The following RFC3 variants were observed in gnomAD, a reference collection of about 807,000 sequenced individuals.
RFC3 encodes replication factor C subunit 3, also known as A1 38 kDa subunit.
RFC3 carries 41 observed loss-of-function variants against 45.1 expected under a neutral mutation model. That is an observed-to-expected ratio of 0.91 (90% CI 0.71 to 1.18). The LOEUF is 1.18. Ranked by LOEUF, RFC3 falls within the 50% of genes most tolerant of loss-of-function variation. RFC3 has a pLI of 0.00. For synonymous variants in RFC3, 149 were observed against 144.0 expected, an observed-to-expected ratio of 1.03 and a Z score of -0.25; for missense variants, 423 against 428.1, an observed-to-expected ratio of 0.99 and a Z score of 0.10.
intron 8 of RFC3, among the ~76,000 whole-genome samples, chr13:33,926,802 G>C (rs1034761773): frequency 6.6e-6 from 1 of 150,766 alleles, no homozygotes; most frequent in African/African-American, 2.4e-5. Flanking sequence ...GGCCAACCAG[G>C]CTTTGGTCAT....
chr13:33,973,584 A>T, the RFC3 span, among the ~76,000 whole-genome samples: 1 of 151,464 alleles, frequency 6.6e-6, no homozygotes, highest in African/African-American at 2.4e-5. Context: ...TATAAAAGTC[A>T]TTTTCAACTC....
At chr13:33,891,590 A>T (rs1293906650) in intron 8 of RFC3, among the ~76,000 whole-genome samples, 2 of 152,186 alleles carry the variant, frequency 1.3e-5, no homozygotes, top group Admixed American at 1.3e-4. Context: ...AGGAGAAATG[A>T]TAGATGTATT....
intron 8 of RFC3, among the ~76,000 whole-genome samples, chr13:33,889,198 G>A (rs1283276304): frequency 6.6e-6 from 1 of 152,188 alleles, no homozygotes; most frequent in African/African-American, 2.4e-5. Flanking sequence ...GAACAATGCA[G>A]TTATGTTCAC....
At chr13:33,824,642 T>C (rs296897) in intron 3 of RFC3, among the ~76,000 whole-genome samples, 34,791 of 151,914 alleles carry the variant, frequency 0.23, 6,337 homozygotes, top group African/African-American at 0.48. Flanking sequence ...GGCAGTGACA[T>C]AGAGGCAAGA....
chr13:33,856,874 G>A (rs2082311551), intron 8 of RFC3, among the ~76,000 whole-genome samples: 2 of 152,160 alleles, frequency 1.3e-5, no homozygotes, highest in African/African-American at 4.8e-5. Context: ...GACTTGAAAG[G>A]CTTTGGAAGC....
Position 33,954,327 on chromosome 13 carries a change from G to A in RFC3, c.880-11760G>A, listed in dbSNP as rs890228173. Among the ~76,000 whole-genome samples, 8 of 152,120 alleles carry A rather than the reference G, an allele frequency of 5.3e-5. 1 individual carries two copies. The highest frequency in any genetic ancestry group is 1.4e-4 in the African/African-American group (6 of 41,438). On this transcript the variant is annotated intron_variant, in intron 8 of 8. Transcript: ENST00000434425. ...TCACAATTCACAAATATAAATTTTT[G>A]TCATTTTGAGAACATAGAAGACCCC...
rs553671593 is a variant in RFC3 at position 33,858,211 on chromosome 13, A to C, written c.879+22994A>C. ...TTACAAAATAGAGCAGCTTGGCCAA[A>C]TGACTTCTCCATTTCTTTTTAGCTT... On this transcript the variant is annotated intron_variant, in intron 8 of 8. Transcript: ENST00000434425. Among the ~76,000 whole-genome samples, 4 of 152,278 alleles carry C rather than the reference A, an allele frequency of 2.6e-5. No individual in the cohort carries two copies. In the East Asian group the frequency reaches 7.7e-4, roughly 29 times the overall value.
chr13:33,930,008 G>A (rs2082841685), intron 8 of RFC3, among the ~76,000 whole-genome samples: 3 of 152,030 alleles, frequency 2.0e-5, no homozygotes, highest in African/African-American at 4.8e-5. Context: ...TTAGCATTGA[G>A]TGTTACTGTT....
chr13:33,918,662 G>A (rs556480977), intron 8 of RFC3, among the ~76,000 whole-genome samples: 59 of 152,244 alleles, frequency 3.9e-4, no homozygotes, highest in Admixed American at 2.6e-3. Context: ...AAAGAAGGCT[G>A]ATGTACACAA....
chr13:33,883,103 ACT>A (rs1344769339), intron 8 of RFC3, among the ~76,000 whole-genome samples: 1 of 152,230 alleles, frequency 6.6e-6, no homozygotes, highest in Non-Finnish European at 1.5e-5. Context: ...GGCAAATGTA[ACT>A]TTTTGTTTCT....
At chr13:33,929,599 A>G (rs2082839003) in intron 8 of RFC3, among the ~76,000 whole-genome samples, 1 of 152,094 alleles carries the variant, frequency 6.6e-6, no homozygotes, top group Non-Finnish European at 1.5e-5. Context: ...ATTTTAATTC[A>G]TTACAAAATA....
chr13:33,950,453 A>T (rs1323270434), intron 8 of RFC3, among the ~76,000 whole-genome samples: 2 of 152,208 alleles, frequency 1.3e-5, no homozygotes, highest in Non-Finnish European at 2.9e-5. Context: ...GTGGATCCCT[A>T]AAAGGGTTTT....
At chr13:33,853,169 C>T (rs1039426548) in intron 8 of RFC3, among the ~76,000 whole-genome samples, 8 of 152,130 alleles carry the variant, frequency 5.3e-5, no homozygotes, top group African/African-American at 1.9e-4. Context: ...TGTGAAGGCA[C>T]CTGCTAACCT....
At chr13:33,826,944 A>G (rs1306078301) in intron 4 of RFC3, among the ~76,000 whole-genome samples, 3 of 152,040 alleles carry the variant, frequency 2.0e-5, no homozygotes, top group South Asian at 2.1e-4. Context: ...TAATTGCTGG[A>G]TTTTGGTCTG....
intron 8 of RFC3, among the ~76,000 whole-genome samples, chr13:33,877,347 G>A (rs1459267818): frequency 1.3e-5 from 2 of 152,144 alleles, no homozygotes; most frequent in African/African-American, 4.8e-5. Context: ...TTCATTAAAT[G>A]ATCACAGTGC....
chr13:33,818,717 T>C (rs2081972164), intron 1 of RFC3, among the ~76,000 whole-genome samples: 1 of 152,108 alleles, frequency 6.6e-6, no homozygotes, highest in Non-Finnish European at 1.5e-5. Flanking sequence ...CGAGAAGCCG[T>C]TGGAGCATTT....
chr13:33,887,587 C>T (rs1231360895), intron 8 of RFC3, among the ~76,000 whole-genome samples: 1 of 152,016 alleles, frequency 6.6e-6, no homozygotes, highest in African/African-American at 2.4e-5. Context: ...TTGTAGGTTG[C>T]CTGTTCACTC....
At chr13:33,844,355 C>T (rs985898462) in intron 8 of RFC3, among the ~76,000 whole-genome samples, 1 of 152,190 alleles carries the variant, frequency 6.6e-6, no homozygotes, top group African/African-American at 2.4e-5. Context: ...GTGCTCTGCC[C>T]ACCTTCCAAT....
chr13:33,976,422 G>A, the RFC3 span, among the ~76,000 whole-genome samples: 36 of 152,210 alleles, frequency 2.4e-4, no homozygotes, highest in South Asian at 6.8e-3. Context: ...AAGGGAAGCC[G>A]GGGAGAGCAG....
Sources: gnomAD v4.1 joint callset for allele counts (sites outside exome capture counted in the v4.1 genomes callset) on GRCh38, gnomAD v4.1.1 for gene constraint, MANE v1.5 for transcripts, NCBI Gene and HGNC (gene_info 2026-07-23, HGNC 2026-07-21) for gene names.